Variants in MED24 observed in about 807,000 individuals in gnomAD.
MED24 encodes the protein mediator complex subunit 24, also known as mediator of RNA polymerase II transcription subunit 24.
MED24 carries 74 observed loss-of-function variants against 118.8 expected under a neutral mutation model. That is an observed-to-expected ratio of 0.62 (90% CI 0.52 to 0.76). The LOEUF (loss-of-function observed/expected upper bound fraction) is 0.76. Ranked by LOEUF, MED24 falls within the 30% of genes least tolerant of loss-of-function variation. The probability of loss-of-function intolerance (pLI) is 0.00; values close to 1 mark genes in which losing one functional copy is unlikely to be tolerated. For missense variants in MED24, 1,041 were observed against 1,278.9 expected (o/e 0.81, Z 2.84); for synonymous variants, 521 against 523.9 (o/e 0.99, Z 0.08).
Position 40,026,628 on chromosome 17 carries a change from G to A in MED24, c.1809+19C>T, listed in dbSNP as rs376702531. 4 of 1,589,118 alleles carry A rather than the reference G, an allele frequency of 2.5e-6. No homozygotes were observed. Among genetic ancestry groups the A allele is most frequent in the African/African-American group, 1.3e-5 (1 of 74,464 alleles). On this transcript the variant is annotated intron_variant, in intron 18 of 25. Transcript: ENST00000394128. Reference sequence around the variant, plus strand: ...TCTGTGTCTCAGGGGAGCAAACGCTGCTGGGAAGGCGGGGCTACCTGGATG... The same window carrying A: ...TCTGTGTCTCAGGGGAGCAAACGCTACTGGGAAGGCGGGGCTACCTGGATG...
intron 3 of MED24, among the ~76,000 whole-genome samples, chr17:40,051,846 C>T (rs1477549820): frequency 6.6e-6 from 1 of 151,988 alleles, no homozygotes; most frequent in Non-Finnish European, 1.5e-5. Flanking sequence ...TCACTTGAAC[C>T]CAGGAGGCAG....
chr17:40,024,649 T>C (rs1982433960), intron 19 of MED24, among the ~76,000 whole-genome samples: 1 of 152,238 alleles, frequency 6.6e-6, no homozygotes, highest in Non-Finnish European at 1.5e-5. Flanking sequence ...CACTATTCAC[T>C]ATAGCCCAAA....
chr17:40,035,231 C>A lies in MED24; in HGVS notation c.445G>T (p.Gly149Cys). 1 of 1,613,880 alleles carries A rather than the reference C, an allele frequency of 6.2e-7. No homozygotes were observed. Among genetic ancestry groups the A allele is most frequent in the Non-Finnish European group, 8.5e-7 (1 of 1,179,974 alleles). ...TGCTTCTCCCCAGCGGCTGGAGTGC[C>A]GGCCTCCAGCCCCTCCCGCAGCCGC... ...AERLREGLEA[G>C]TPAAGEKQLA... The change falls in exon 6 of 26, where the codon GGC (glycine) becomes TGC (cysteine). Residue 149 changes from glycine to cysteine, a missense_variant. This residue lies in a region of MED24 where 434 missense variants were observed against 514.9 expected (regional missense o/e 0.84). Transcript: ENST00000394128.
At chr17:40,031,483 G>T in intron 11 of MED24, 55 bp downstream of exon 11, 1 of 1,521,078 alleles carries the variant, frequency 6.6e-7, no homozygotes, top group South Asian at 1.1e-5. Flanking sequence ...CAGAGATCAG[G>T]GGAAGAGCCC....
intron 19 of MED24, 91 bp from the exon 20 acceptor site, chr17:40,023,486 A>G: frequency 7.6e-7 from 1 of 1,313,234 alleles, no homozygotes; most frequent in Non-Finnish European, 1.0e-6. Context: ...TTTCCCTTGG[A>G]CTTAGGTTAC....
At chr17:40,048,054 G>A (rs1442945591) in intron 3 of MED24, among the ~76,000 whole-genome samples, 1 of 152,264 alleles carries the variant, frequency 6.6e-6, no homozygotes. Context: ...GTTATGCTAT[G>A]TTAATTAAAA....
chr17:40,042,972 G>C (rs1283982071), intron 3 of MED24, among the ~76,000 whole-genome samples: 2 of 152,198 alleles, frequency 1.3e-5, no homozygotes, highest in Non-Finnish European at 2.9e-5. Context: ...TTTATTTTGA[G>C]ATAGGATCTC....
chr17:40,027,539 G>C lies in MED24; in HGVS notation c.1448-74C>G, dbSNP rs1982831532. ...CCCGTGTCTGGGTTGACAGGGATCGGGATTTGCCTCTAGGAAGGTCAGGGA... is the reference window on the plus strand; with the variant it reads ...CCCGTGTCTGGGTTGACAGGGATCGCGATTTGCCTCTAGGAAGGTCAGGGA... On this transcript the variant is annotated intron_variant, in intron 15 of 25. Coordinates refer to ENST00000394128, the MANE Select transcript of MED24 (RefSeq NM_014815.4). 6.2e-6 allele frequency: 9 copies of C among 1,443,976 alleles called. No homozygotes were observed. In the South Asian group the frequency reaches 8.6e-5, roughly 14 times the overall value. The allele number at this position is 1,443,976 out of a possible 1,614,324, so 89.4% of individuals were successfully genotyped here.
chr17:40,053,591 A>C lies in MED24; in HGVS notation c.8T>G (p.Val3Gly), dbSNP rs754694341. 6.2e-7 allele frequency: 1 copy of C among 1,614,086 alleles called. No homozygotes were observed. The highest frequency in any genetic ancestry group is 8.5e-7 in the Non-Finnish European group (1 of 1,180,034). Reference sequence around the variant, plus strand: ...CAAAATGGCTTGCTTCAGGTTGACCACCTTCATTATTTCACTCTGAGCAGG... The same window carrying C: ...CAAAATGGCTTGCTTCAGGTTGACCCCCTTCATTATTTCACTCTGAGCAGG... MK[V>G]VNLKQAILQA... The change falls in exon 2 of 26, where the codon GTG becomes GGG. Residue 3 changes from valine (V) to glycine (G), a missense_variant. Transcript: ENST00000394128.
At chr17:40,027,161 T>G in intron 16 of MED24, 127 bp from the exon 17 acceptor site, 3 of 1,277,196 alleles carry the variant, frequency 2.3e-6, no homozygotes, top group East Asian at 5.0e-5. Flanking sequence ...GGGGACGAAC[T>G]GGTCTAAGGG....
rs1263916745 is a variant in MED24 at position 40,023,179 on chromosome 17, G to A, written c.2202C>T (p.Thr734=). 6 of 1,614,008 alleles carry A rather than the reference G, an allele frequency of 3.7e-6. No individual in the cohort carries two copies. The highest frequency in any genetic ancestry group is 5.1e-6 in the Non-Finnish European group (6 of 1,180,020). ...AGTAGACGCCGCCCATGTGCAGCAG[G>A]GTGTCAAAGATGTGGATGGAGCGGC... ...VDSRSIHIFD[T]LLHMGGVYWF... The change falls in exon 20 of 26, where the codon ACC becomes ACT. Residue 734 remains threonine, a synonymous_variant. Transcript: ENST00000394128.
At position 40,032,755 on chromosome 17, in the gene MED24, G is replaced by A; in HGVS notation, c.830C>T (p.Pro277Leu). ...LTMVKRMQHI[P>L]TPLFVLEIWK... Reference sequence around the variant, plus strand: ...GATCTCCAGGACAAAAAGTGGGGTGGGGATATGCTGTGGGAAGAGCCAAGG... The same window carrying A: ...GATCTCCAGGACAAAAAGTGGGGTGAGGATATGCTGTGGGAAGAGCCAAGG... The change falls in exon 9 of 26, where the codon CCC (proline) becomes CTC (leucine). Residue 277 changes from proline to leucine, a missense_variant. By Grantham distance (98) the Pro-to-Leu change is moderately conservative. Around this residue, in one of 3 missense-constraint regions of MED24, gnomAD observed 434 missense variants for 514.9 expected, o/e 0.84. Coordinates refer to ENST00000394128, the MANE Select transcript of MED24 (RefSeq NM_014815.4). 1 of 1,613,476 alleles carries A rather than the reference G, an allele frequency of 6.2e-7. No individual in the cohort carries two copies. Among genetic ancestry groups the A allele is most frequent in the Non-Finnish European group, 8.5e-7 (1 of 1,179,736 alleles).
In MED24 at chr17:40,026,153, G is replaced by T. The variant is rs111705629; in HGVS notation, c.1985+3C>A. The T allele has an allele frequency of 7.0e-4, 1,131 of 1,610,724 alleles. 9 individuals carry two copies. The African/African-American group carries it at 0.013, about 19-fold the overall frequency. On this transcript the variant is annotated splice_donor_region_variant and intron_variant, in intron 19 of 25. Coordinates refer to ENST00000394128, the MANE Select transcript of MED24 (RefSeq NM_014815.4). ...GTCTGAGAAGGGAAGGCAGGTTACC[G>T]ACCTCTCATTGTAGAACTGCAGGGT... is the stretch of plus-strand genomic sequence containing the variant.
At position 40,019,244 on chromosome 17, in the gene MED24, T is replaced by A; in HGVS notation, c.*285A>T. 2.2e-6 allele frequency: 1 copy of A among 452,698 alleles called. No individual in the cohort carries two copies. Among genetic ancestry groups the A allele is most frequent in the Non-Finnish European group, 4.0e-6 (1 of 252,442 alleles). 28.0% of individuals were successfully genotyped at this position (452,698 alleles called of 1,614,324 possible). A position where few individuals can be genotyped will look rare whatever the true frequency, so the allele number is the denominator to read the frequency against. ...CTAGAAAGTTCCTCAGAGGTAAGAC[T>A]ACTCCTGGGCTGGGGCGGGCGCACA... is the stretch of plus-strand genomic sequence containing the variant. On this transcript the variant is annotated 3_prime_UTR_variant, in exon 26 of 26. Transcript: ENST00000394128.
Position 40,028,930 on chromosome 17 carries a change from C to A in MED24, c.1305G>T (p.Leu435=). The A allele has an allele frequency of 1.2e-6, 2 of 1,614,220 alleles. No individual in the cohort carries two copies. The highest frequency in any genetic ancestry group is 1.7e-6 in the Non-Finnish European group (2 of 1,180,038). ...DADHSKSPEG[L]LGVLGHMLSG... ...ACAGCATGTGGCCCAGGACTCCCAG[C>A]AGTCCCTCCGGTGACTTAGAGTGGT... The change falls in exon 14 of 26, where the codon CTG becomes CTT. Residue 435 remains leucine (L), a synonymous_variant. Coordinates refer to ENST00000394128, the MANE Select transcript of MED24 (RefSeq NM_014815.4).
chr17:40,022,941 T>C (rs1279996211), intron 20 of MED24, 115 bp from the exon 21 acceptor site: 3 of 1,372,490 alleles, frequency 2.2e-6, no homozygotes, highest in East Asian at 4.9e-5. Context: ...GCCCCAGATG[T>C]TGCTCCGCCC....
chr17:40,035,089 T>C (rs202125982), intron 6 of MED24, 28 bp downstream of exon 6: 6 of 1,610,514 alleles, frequency 3.7e-6, no homozygotes, highest in Non-Finnish European at 5.1e-6. Context: ...CAGCGGCAGG[T>C]GGGGCTCAGG....
At chr17:40,019,755 C>A (rs1245891484) in intron 25 of MED24, 30 bp downstream of exon 25, 1 of 1,608,652 alleles carries the variant, frequency 6.2e-7, no homozygotes, top group East Asian at 2.2e-5. Flanking sequence ...GCCCCAGCAC[C>A]AGCAGGAGAG....
At chr17:40,037,402 C>G (rs1235673123) in intron 3 of MED24, among the ~76,000 whole-genome samples, 3 of 152,118 alleles carry the variant, frequency 2.0e-5, no homozygotes, top group African/African-American at 4.8e-5. Context: ...TAAGGCTCAT[C>G]ATTACACGGC....
Sources: allele counts gnomAD v4.1 joint callset (sites outside exome capture counted in the v4.1 genomes callset), GRCh38; gene constraint gnomAD v4.1.1; regional missense constraint gnomAD v4.1.1; transcripts MANE v1.5; gene names NCBI Gene and HGNC (gene_info 2026-07-23, HGNC 2026-07-21).